The following RAB11FIP3 variants were observed in gnomAD, a reference collection of about 807,000 sequenced individuals.
RAB11FIP3 encodes the protein rab11 family-interacting protein 3.
A neutral mutation model predicts 77.8 loss-of-function variants in RAB11FIP3; 17 were observed. That is an observed-to-expected ratio of 0.22 (90% CI 0.15 to 0.33). The LOEUF is 0.33. RAB11FIP3 is among the 10% of genes least tolerant of loss of function. The pLI, the probability that RAB11FIP3 is intolerant of heterozygous loss-of-function variation, is 1.00. For missense variants in RAB11FIP3, 1,005 were observed against 1,011.2 expected, an observed-to-expected ratio of 0.99 and a Z score of 0.08; for synonymous variants, 437 against 448.2, an observed-to-expected ratio of 0.98 and a Z score of 0.31.
intron 4 of RAB11FIP3, among the ~76,000 whole-genome samples, chr16:485,395 T>A (rs2056134072): frequency 6.8e-6 from 1 of 148,106 alleles, no homozygotes; most frequent in Non-Finnish European, 1.5e-5. Context: ...CCTTTTCACC[T>A]TTTGAGGAAC....
At chr16:502,660 C>T (rs993256125) in intron 6 of RAB11FIP3, 12 of 356,896 alleles carry the variant, frequency 3.4e-5, no homozygotes, top group African/African-American at 6.5e-5. Flanking sequence ...CGTGTCTCTG[C>T]GAAGAAGGGC....
Position 426,428 on chromosome 16 carries a change from C to T in RAB11FIP3, c.422C>T (p.Ala141Val), listed in dbSNP as rs2054943694. The T allele has an allele frequency of 1.9e-6, 3 of 1,584,432 alleles. No individual in the cohort carries two copies. The highest frequency in any genetic ancestry group is 1.8e-5 in the Admixed American group (1 of 56,084). The part of the protein sequence containing the change: ...ECGPASCPES[A>V]PFRLQGSSSS... ...GGCCCCGCGAGCTGCCCGGAGAGCG[C>T]GCCTTTCCGCTTGCAGGGGTCCAGC... Residue 141 changes from alanine to valine, a missense_variant, in exon 1 of 14, where the codon GCG becomes GTG. This residue lies in a region of RAB11FIP3 where 466 missense variants were observed against 408.3 expected (regional missense o/e 1.14). Coordinates refer to ENST00000262305, the MANE Select transcript of RAB11FIP3 (RefSeq NM_014700.4). The surrounding 1 kb of genome is among the most constrained non-coding windows in gnomAD (Gnocchi z 5.0).
chr16:426,390 G>A lies in RAB11FIP3; in HGVS notation c.384G>A (p.Glu128=). The A allele has an allele frequency of 6.3e-7, 1 of 1,578,580 alleles. No homozygotes were observed. Among genetic ancestry groups the A allele is most frequent in the Non-Finnish European group, 8.6e-7 (1 of 1,164,498 alleles). ...ACCCGTTGTTCTCCTGGACTGAGGA[G>A]CCCGAGGAGTGTGGCCCCGCGAGCT... ...ELDPLFSWTE[E]PEECGPASCP... Residue 128 remains glutamate, a synonymous_variant, in exon 1 of 14, where the codon GAG becomes GAA. Transcript: ENST00000262305. The surrounding 1 kb of genome is among the most constrained non-coding windows in gnomAD (Gnocchi z 5.0).
intron 3 of RAB11FIP3, among the ~76,000 whole-genome samples, chr16:477,356 T>C (rs894918498): frequency 6.6e-6 from 1 of 152,234 alleles, no homozygotes; most frequent in African/African-American, 2.4e-5. Flanking sequence ...CTGGTGCCCC[T>C]GGGGTGAGTC....
rs1342792463 is a variant in RAB11FIP3, at chr16:521,795, T to G, written c.*956T>G. On this transcript the variant is annotated 3_prime_UTR_variant, in exon 14 of 14. Coordinates refer to ENST00000262305, the MANE Select transcript of RAB11FIP3 (RefSeq NM_014700.4). ...GCCAGAATCCAAACATCGGGAACCC[T>G]GTTTTCTTCTGGGTGTGTCTCACTT... is the stretch of plus-strand genomic sequence containing the variant. 1 of 152,270 alleles carries G rather than the reference T, an allele frequency of 6.6e-6. No homozygotes were observed. The highest frequency in any genetic ancestry group is 1.5e-5 in the Non-Finnish European group (1 of 68,068). The allele number at this position is 152,270 out of a possible 1,614,324, so 9.4% of individuals were successfully genotyped here.
chr16:471,458 C>A lies in RAB11FIP3; in HGVS notation c.903+69C>A. The stretch of plus-strand genomic sequence containing the variant: ...ACCTCTTCCTTTATGCCCTACAGCT[C>A]GTGCCTCCTGCCTCCGGGCTGTCTT... On this transcript the variant is annotated intron_variant, in intron 3 of 13. Coordinates refer to ENST00000262305, the MANE Select transcript of RAB11FIP3 (RefSeq NM_014700.4). This position sits in a 1 kb window ranked among gnomAD's most constrained non-coding sequence, Gnocchi z 4.4. 7.6e-7 allele frequency: 1 copy of A among 1,308,080 alleles called. No homozygotes were observed. The highest frequency in any genetic ancestry group is 1.1e-6 in the Non-Finnish European group (1 of 924,070). The allele number at this position is 1,308,080 out of a possible 1,614,324, so 81.0% of individuals were successfully genotyped here.
At chr16:468,054 TGGAGGAGGTGCAGGGAAGTGAG>T in intron 2 of RAB11FIP3, among the ~76,000 whole-genome samples, 1 of 11,074 alleles carries the variant, frequency 9.0e-5, no homozygotes, top group African/African-American at 3.3e-4. Context: ...GCAGGGGCGT[TGGAGGAGGTGCAGGGAAGTGAG>T]GGAGGAGGTG....
chr16:448,392 T>C (rs1257845603), intron 1 of RAB11FIP3, among the ~76,000 whole-genome samples: 1 of 147,208 alleles, frequency 6.8e-6, no homozygotes, highest in Non-Finnish European at 1.5e-5. Flanking sequence ...TCACCTGAGG[T>C]CAGGAGTTTG....
At position 472,865 on chromosome 16, in the gene RAB11FIP3, G is replaced by A. The variant is rs1466256839; in HGVS notation, c.903+1476G>A. On this transcript the variant is annotated intron_variant, in intron 3 of 13. Transcript: ENST00000262305. This position sits in a 1 kb window ranked among gnomAD's most constrained non-coding sequence, Gnocchi z 4.1. The stretch of plus-strand genomic sequence containing the variant: ...TCAAGGTGATATCATGCTGGTTTGG[G>A]CCCTAAATCCAGTGACAGGTGTCCC... Among the ~76,000 whole-genome samples the A allele has an allele frequency of 6.6e-6, 1 of 152,124 alleles. No homozygotes were observed. Among genetic ancestry groups the A allele is most frequent in the Admixed American group, 6.5e-5 (1 of 15,272 alleles).
chr16:439,422 T>A (rs569947582), intron 1 of RAB11FIP3: 17 of 152,328 alleles, frequency 1.1e-4, no homozygotes, highest in African/African-American at 4.1e-4. Context: ...AAATTGGTAT[T>A]ACTCTGGTTA....
rs376368439 is a variant in RAB11FIP3, at chr16:438,470, A to G, written c.714+11750A>G. ...ACCCAGGCTGGAGTGCAGTGGCACT[A>G]TCTCAGCTCACTGCAACCTCCGCTT... On this transcript the variant is annotated intron_variant, in intron 1 of 13. Coordinates refer to ENST00000262305, the MANE Select transcript of RAB11FIP3 (RefSeq NM_014700.4). Among the ~76,000 whole-genome samples, 93 of 137,514 alleles carry G rather than the reference A, an allele frequency of 6.8e-4. 2 individuals are homozygous for G. Among genetic ancestry groups the G allele is most frequent in the South Asian group, 5.8e-3 (26 of 4,476 alleles). The allele number at this position is 137,514 out of a possible 152,430, so 90.2% of individuals were successfully genotyped here. A position where few individuals can be genotyped will look rare whatever the true frequency, so the allele number is the denominator to read the frequency against.
chr16:451,784 G>A (rs775319376), intron 1 of RAB11FIP3, among the ~76,000 whole-genome samples: 5 of 151,260 alleles, frequency 3.3e-5, no homozygotes, highest in Admixed American at 2.6e-4. Context: ...ACAGTGACCC[G>A]AGATCACACC....
chr16:428,182 G>A (rs1379752808), intron 1 of RAB11FIP3, among the ~76,000 whole-genome samples: 1 of 152,112 alleles, frequency 6.6e-6, no homozygotes, highest in Non-Finnish European at 1.5e-5. Flanking sequence ...TTAAGAAGAT[G>A]TGCAGACAGG....
At chr16:513,136 T>C (rs2032260032) in intron 9 of RAB11FIP3, among the ~76,000 whole-genome samples, 1 of 152,238 alleles carries the variant, frequency 6.6e-6, no homozygotes, top group Non-Finnish European at 1.5e-5. Flanking sequence ...AAAATATCTA[T>C]AATCAGAGGA....
At chr16:495,623 G>A (rs898235948) in intron 5 of RAB11FIP3, among the ~76,000 whole-genome samples, 1 of 152,158 alleles carries the variant, frequency 6.6e-6, no homozygotes, top group African/African-American at 2.4e-5. Flanking sequence ...CTGATGACAC[G>A]CAGCATTGTG....
At chr16:509,696 G>A (rs1377311087) in intron 8 of RAB11FIP3, among the ~76,000 whole-genome samples, 4 of 152,192 alleles carry the variant, frequency 2.6e-5, no homozygotes. Flanking sequence ...GACCTGGATG[G>A]GACTGGTCTC....
chr16:484,477 G>A (rs1281428513), intron 4 of RAB11FIP3, among the ~76,000 whole-genome samples: 3 of 152,008 alleles, frequency 2.0e-5, no homozygotes, highest in East Asian at 1.9e-4. Context: ...TCAGCCTCCC[G>A]GGTAGCTGGG....
At chr16:459,875 C>CTT (rs1170379362) in intron 1 of RAB11FIP3, among the ~76,000 whole-genome samples, 1,348 of 119,294 alleles carry the variant, frequency 0.011, 19 homozygotes, top group African/African-American at 0.02. Context: ...ATTGAGTTGT[C>CTT]TTTTTTTTTT....
chr16:451,084 CAT>C (rs749299992), intron 1 of RAB11FIP3, among the ~76,000 whole-genome samples: 362 of 152,234 alleles, frequency 2.4e-3, no homozygotes, highest in Non-Finnish European at 4.2e-3. Flanking sequence ...CAAGTATTCT[CAT>C]GTGCATTTTA....
Sources: allele counts gnomAD v4.1 joint callset (sites outside exome capture counted in the v4.1 genomes callset), GRCh38; gene constraint gnomAD v4.1.1; regional missense constraint gnomAD v4.1.1; non-coding constraint Gnocchi (gnomAD v3.1); transcripts MANE v1.5; gene names NCBI Gene and HGNC (gene_info 2026-07-23, HGNC 2026-07-21).